The following CDK14 variants were observed in gnomAD, a reference collection of about 807,000 sequenced individuals.
CDK14 encodes cyclin dependent kinase 14.
CDK14 carries 34 observed loss-of-function variants against 60.7 expected under a neutral mutation model. That is an observed-to-expected ratio of 0.56 (90% confidence interval 0.43 to 0.75). CDK14 has a LOEUF of 0.75. CDK14 is among the 30% of genes least tolerant of loss of function. CDK14 has a pLI of 0.00. For synonymous variants in CDK14, 197 were observed against 203.7 expected (o/e 0.97, Z 0.28); for missense variants, 482 against 564.1 (o/e 0.85, Z 1.47).
At chr7:90,962,123 G>A (rs1794619435) in intron 9 of CDK14, among the ~76,000 whole-genome samples, 1 of 152,230 alleles carries the variant, frequency 6.6e-6, no homozygotes. Flanking sequence ...TTTTAGAGTG[G>A]CTACTAAAGT....
intron 4 of CDK14, among the ~76,000 whole-genome samples, chr7:90,767,638 C>A (rs191069352): frequency 6.6e-6 from 1 of 152,272 alleles, no homozygotes; most frequent in African/African-American, 2.4e-5. Flanking sequence ...TGATGGGCTC[C>A]ATTTCTCTTA....
chr7:91,138,716 G>C (rs1800357483), intron 14 of CDK14, among the ~76,000 whole-genome samples: 1 of 152,076 alleles, frequency 6.6e-6, no homozygotes, highest in Admixed American at 6.6e-5. Flanking sequence ...ATTGTTAAAT[G>C]TATTGTCATG....
At chr7:90,967,493 G>T (rs3824046) in intron 9 of CDK14, among the ~76,000 whole-genome samples, 117 of 152,192 alleles carry the variant, frequency 7.7e-4, no homozygotes, top group African/African-American at 2.6e-3. Context: ...ATTAAATAGC[G>T]TAGTAATGCA....
At chr7:90,713,345 C>T (rs1250519617) in intron 2 of CDK14, among the ~76,000 whole-genome samples, 1 of 152,026 alleles carries the variant, frequency 6.6e-6, no homozygotes, top group African/African-American at 2.4e-5. Flanking sequence ...GGGGACCCAA[C>T]CATTTATAGA....
intron 14 of CDK14, among the ~76,000 whole-genome samples, chr7:91,182,736 A>G (rs933806309): frequency 6.6e-6 from 1 of 152,172 alleles, no homozygotes; most frequent in African/African-American, 2.4e-5. Context: ...ACAGCTGGAG[A>G]GAACAAAAGG....
At chr7:90,633,408 CAATT>C (rs1800050750) in intron 2 of CDK14, among the ~76,000 whole-genome samples, 1 of 152,058 alleles carries the variant, frequency 6.6e-6, no homozygotes, top group Non-Finnish European at 1.5e-5. Context: ...TATATGCAAA[CAATT>C]AAAAACCAAA....
intron 10 of CDK14, among the ~76,000 whole-genome samples, chr7:90,998,625 A>C (rs1050840546): frequency 1.2e-4 from 18 of 152,264 alleles, no homozygotes; most frequent in Non-Finnish European, 2.5e-4. Context: ...GCGGTGGCTC[A>C]CGCCTGTAAT....
intron 2 of CDK14, among the ~76,000 whole-genome samples, chr7:90,618,720 T>C (rs1799703969): frequency 6.6e-6 from 1 of 152,228 alleles, no homozygotes; most frequent in South Asian, 2.1e-4. Context: ...GCTTTTCTGA[T>C]GATCCCCACT....
Position 91,008,150 on chromosome 7 carries a change from C to CAAAAA in CDK14, c.1041+23914_1041+23918dup, listed in dbSNP as rs1197897771. Among the ~76,000 whole-genome samples, 45 of 89,570 alleles carry CAAAAA rather than the reference C, an allele frequency of 5.0e-4. 4 individuals are homozygous for CAAAAA. Among genetic ancestry groups the CAAAAA allele is most frequent in the African/African-American group, 1.8e-3 (44 of 24,202 alleles). The allele number at this position is 89,570 out of a possible 152,430, so 58.8% of individuals were successfully genotyped here. On this transcript the variant is annotated intron_variant, in intron 10 of 14. Coordinates refer to ENST00000380050, the MANE Select transcript of CDK14 (RefSeq NM_001287135.2). Reference sequence around the variant, plus strand: ...GCCAAAAAAAAAAAAAAAAAACAAACAAAAAAAAACAGTGGATGGTGGAGG... The same window carrying CAAAAA: ...GCCAAAAAAAAAAAAAAAAAACAAACAAAAAAAAAAAAAACAGTGGATGGTGGAGG...
At chr7:90,714,903 A>T (rs145662178) in intron 2 of CDK14, among the ~76,000 whole-genome samples, 2 of 152,232 alleles carry the variant, frequency 1.3e-5, no homozygotes, top group African/African-American at 4.8e-5. Flanking sequence ...TTATATAGCC[A>T]TCTGTTTCGG....
At chr7:90,813,068 G>A (rs1440799995) in intron 5 of CDK14, among the ~76,000 whole-genome samples, 1 of 152,180 alleles carries the variant, frequency 6.6e-6, no homozygotes, top group Non-Finnish European at 1.5e-5. Context: ...TATTTGTACA[G>A]CAGTAAAAAG....
intron 14 of CDK14, among the ~76,000 whole-genome samples, chr7:91,166,888 A>G (rs1801363204): frequency 6.6e-6 from 1 of 152,218 alleles, no homozygotes; most frequent in East Asian, 1.9e-4. Flanking sequence ...CAGTGAGGGC[A>G]ACCGCCCAGG....
At chr7:90,979,865 C>T (rs760516915) in intron 9 of CDK14, 2 of 152,068 alleles carry the variant, frequency 1.3e-5, no homozygotes, top group African/African-American at 4.8e-5. Context: ...ACTTTGTTTT[C>T]CTGAATGTCA....
chr7:91,010,845 C>T lies in CDK14; in HGVS notation c.1041+26604C>T, dbSNP rs1474752229. 7.5e-3 allele frequency among the ~76,000 whole-genome samples: 962 copies of T among 128,854 alleles called. 12 individuals are homozygous for T. Among genetic ancestry groups the T allele is most frequent in the African/African-American group, 0.027 (887 of 32,736 alleles). 84.5% of individuals were successfully genotyped at this position (128,854 alleles called of 152,430 possible). A position where few individuals can be genotyped will look rare whatever the true frequency, so the allele number is the denominator to read the frequency against. Reference sequence around the variant, plus strand: ...CCTTCCTTCCTTCCTCCCTCCCTCCCTCCCTCCCTCCCTCCCTCCCTCTCT... The same window carrying T: ...CCTTCCTTCCTTCCTCCCTCCCTCCTTCCCTCCCTCCCTCCCTCCCTCTCT... On this transcript the variant is annotated intron_variant, in intron 10 of 14. Transcript: ENST00000380050.
chr7:90,825,862 A>G (rs755301165), intron 5 of CDK14, among the ~76,000 whole-genome samples: 60 of 152,368 alleles, frequency 3.9e-4, no homozygotes, highest in Admixed American at 1.6e-3. Context: ...CTTTGAGGAT[A>G]GATTAAGTAA....
chr7:91,149,264 A>G (rs1800756917), intron 14 of CDK14, among the ~76,000 whole-genome samples: 2 of 151,688 alleles, frequency 1.3e-5, no homozygotes, highest in South Asian at 4.2e-4. Flanking sequence ...CGAACGTGCC[A>G]TTCACTTTGG....
chr7:90,689,933 G>T (rs978005536), intron 2 of CDK14, among the ~76,000 whole-genome samples: 2 of 151,970 alleles, frequency 1.3e-5, no homozygotes, highest in African/African-American at 4.8e-5. Flanking sequence ...GAAATTATTG[G>T]GCTTTGAGAA....
At chr7:90,669,872 A>G (rs1430231860) in intron 2 of CDK14, among the ~76,000 whole-genome samples, 1 of 152,236 alleles carries the variant, frequency 6.6e-6, no homozygotes, top group African/African-American at 2.4e-5. Flanking sequence ...AAGAATTGAT[A>G]TAGAATAGAT....
chr7:90,669,715 T>C (rs1311987252), intron 2 of CDK14, among the ~76,000 whole-genome samples: 1 of 152,228 alleles, frequency 6.6e-6, no homozygotes, highest in African/African-American at 2.4e-5. Flanking sequence ...CTTTTTAGGT[T>C]TGCAGCTGAA....
Sources: gnomAD v4.1 joint callset for allele counts (sites outside exome capture counted in the v4.1 genomes callset) on GRCh38, gnomAD v4.1.1 for gene constraint, MANE v1.5 for transcripts, NCBI Gene and HGNC (gene_info 2026-07-23, HGNC 2026-07-21) for gene names.